OR9Q1: variants seen among roughly 807,000 people sequenced by gnomAD.
The protein encoded by OR9Q1 is olfactory receptor family 9 subfamily Q member 1.
For synonymous variants in OR9Q1, 153 were observed against 148.6 expected (o/e 1.03, Z -0.22); for missense variants, 374 against 378.8 (o/e 0.99, Z 0.11).
chr11:58,054,656 A>T (rs1299686906), intron 1 of OR9Q1, among the ~76,000 whole-genome samples: 2 of 152,354 alleles, frequency 1.3e-5, no homozygotes, highest in Middle Eastern at 3.4e-3. Flanking sequence ...CGTTGAGGCC[A>T]GGTGTGGCGG....
intron 2 of OR9Q1, among the ~76,000 whole-genome samples, chr11:58,146,963 A>G (rs1217817974): frequency 6.6e-6 from 1 of 152,174 alleles, no homozygotes; most frequent in Non-Finnish European, 1.5e-5. Context: ...GTGCGAAATG[A>G]TCAGATACGA....
intron 2 of OR9Q1, chr11:58,119,026 A>G: frequency 1.2e-6 from 2 of 1,613,988 alleles, no homozygotes; most frequent in South Asian, 1.1e-5. Context: ...GCTCCAGCAG[A>G]GCCTGGGATT....
At chr11:58,175,659 T>A (rs1854599717) in intron 2 of OR9Q1, among the ~76,000 whole-genome samples, 1 of 152,132 alleles carries the variant, frequency 6.6e-6, no homozygotes, top group South Asian at 2.1e-4. Flanking sequence ...TCCTCATAGG[T>A]AGGCATTGTG....
At chr11:58,094,442 C>T (rs1314733039) in intron 2 of OR9Q1, among the ~76,000 whole-genome samples, 3 of 152,114 alleles carry the variant, frequency 2.0e-5, no homozygotes, top group South Asian at 2.1e-4. Context: ...TATATAATAC[C>T]GCCCTCAAAA....
At chr11:58,172,752 G>A (rs547827970) in intron 2 of OR9Q1, among the ~76,000 whole-genome samples, 42 of 152,250 alleles carry the variant, frequency 2.8e-4, no homozygotes, top group African/African-American at 9.6e-4. Flanking sequence ...GCCATGCAAT[G>A]CATAATAATC....
chr11:58,087,311 C>T (rs1054649486), intron 2 of OR9Q1, among the ~76,000 whole-genome samples: 2 of 151,700 alleles, frequency 1.3e-5, no homozygotes, highest in African/African-American at 4.9e-5. Context: ...ACTGATTATT[C>T]CCCCAATACT....
At chr11:58,173,292 C>A (rs1408501714) in intron 2 of OR9Q1, among the ~76,000 whole-genome samples, 2 of 114,346 alleles carry the variant, frequency 1.7e-5, no homozygotes, top group Non-Finnish European at 3.5e-5. Flanking sequence ...CCCCCTCCCC[C>A]CACCCCACAA....
intron 2 of OR9Q1, among the ~76,000 whole-genome samples, chr11:58,098,460 AGTT>A (rs3085872): frequency 0.13 from 19,882 of 151,938 alleles, 2,074 homozygotes; most frequent in African/African-American, 0.25. Flanking sequence ...CATTATTGGT[AGTT>A]ATGCCTTTTA....
chr11:58,029,864 T>G (rs1853013548), intron 1 of OR9Q1, among the ~76,000 whole-genome samples: 1 of 139,678 alleles, frequency 7.2e-6, no homozygotes, highest in Admixed American at 7.2e-5. Flanking sequence ...TTTTTTGACA[T>G]TAAGTCTTGC....
At chr11:58,032,107 A>G (rs529239939) in intron 1 of OR9Q1, among the ~76,000 whole-genome samples, 1 of 152,358 alleles carries the variant, frequency 6.6e-6, no homozygotes, top group African/African-American at 2.4e-5. Flanking sequence ...GAAATCAGAG[A>G]TGACACAAAC....
At chr11:58,131,248 G>A (rs1854138135) in intron 2 of OR9Q1, among the ~76,000 whole-genome samples, 1 of 152,128 alleles carries the variant, frequency 6.6e-6, no homozygotes, top group Non-Finnish European at 1.5e-5. Context: ...TGGGTGGGGA[G>A]CTGGCCTGTG....
intron 2 of OR9Q1, among the ~76,000 whole-genome samples, chr11:58,146,697 G>A (rs1156427759): frequency 6.6e-6 from 1 of 152,150 alleles, no homozygotes. Flanking sequence ...GTCAGAAAAG[G>A]CTTCTGAGAG....
intron 2 of OR9Q1, among the ~76,000 whole-genome samples, chr11:58,073,976 A>G (rs1853514740): frequency 6.6e-6 from 1 of 152,372 alleles, no homozygotes; most frequent in East Asian, 1.9e-4. Context: ...CGCAAAGGAC[A>G]TGAACTCATT....
At chr11:58,072,157 T>G (rs1034591678) in intron 2 of OR9Q1, among the ~76,000 whole-genome samples, 1 of 152,224 alleles carries the variant, frequency 6.6e-6, no homozygotes, top group Non-Finnish European at 1.5e-5. Flanking sequence ...AAATATTTAT[T>G]AAATGAGGTT....
At chr11:58,119,832 C>T (rs1201510159) in intron 2 of OR9Q1, among the ~76,000 whole-genome samples, 1 of 152,142 alleles carries the variant, frequency 6.6e-6, no homozygotes, top group Non-Finnish European at 1.5e-5. Flanking sequence ...CATCTGCAAA[C>T]AGTTCCACCT....
chr11:58,145,639 A>G (rs563786396), intron 2 of OR9Q1, among the ~76,000 whole-genome samples: 3 of 152,330 alleles, frequency 2.0e-5, no homozygotes, highest in East Asian at 1.9e-4. Flanking sequence ...CTGCTTTGCT[A>G]TGGGTAAAGG....
chr11:58,164,401 C>T (rs182018442), intron 2 of OR9Q1, among the ~76,000 whole-genome samples: 25 of 152,240 alleles, frequency 1.6e-4, no homozygotes, highest in African/African-American at 5.5e-4. Flanking sequence ...TGAAGAACCA[C>T]GTGTCTGGTT....
chr11:58,141,463 T>A (rs1029751835), intron 2 of OR9Q1, among the ~76,000 whole-genome samples: 14 of 152,348 alleles, frequency 9.2e-5, no homozygotes, highest in Non-Finnish European at 1.3e-4. Flanking sequence ...CTTTTCTGCA[T>A]CTATTGAGAT....
intron 2 of OR9Q1, among the ~76,000 whole-genome samples, chr11:58,071,774 T>C (rs1853490053): frequency 6.6e-6 from 1 of 152,214 alleles, no homozygotes; most frequent in Non-Finnish European, 1.5e-5. Context: ...TAAGATTCAC[T>C]AGTGGCAATG....
Sources: gnomAD v4.1 joint callset for allele counts (sites outside exome capture counted in the v4.1 genomes callset) on GRCh38, gnomAD v4.1.1 for gene constraint, MANE v1.5 for transcripts, NCBI Gene and HGNC (gene_info 2026-07-23, HGNC 2026-07-21) for gene names.